The following URB1 variants were observed in gnomAD, a reference collection of about 807,000 sequenced individuals.
URB1 encodes the protein URB1 ribosome biogenesis factor, also known as nucleolar pre-ribosomal-associated protein 1.
Under a neutral mutation model 242.3 loss-of-function variants are expected in URB1, and 197 were observed. The ratio of observed to expected loss-of-function variants is 0.81; its 90% confidence interval spans 0.72 to 0.91. URB1 has a LOEUF of 0.91. Among genes scored for constraint, URB1 ranks in the 40% least tolerant of loss-of-function variants. URB1 has a pLI of 0.00. For missense variants in URB1, 2,721 were observed against 2,860.5 expected (o/e 0.95, Z 1.11); for synonymous variants, 1,153 against 1,201.8 (o/e 0.96, Z 0.84).
chr21:32,340,055 T>A (rs2033011267), intron 25 of URB1, among the ~76,000 whole-genome samples: 1 of 152,256 alleles, frequency 6.6e-6, no homozygotes, highest in Non-Finnish European at 1.5e-5. Flanking sequence ...TTCAGTCCTA[T>A]ACGAATAACT....
intron 34 of URB1, among the ~76,000 whole-genome samples, chr21:32,320,900 C>G (rs2032757521): frequency 1.3e-5 from 2 of 152,186 alleles, no homozygotes; most frequent in Admixed American, 1.3e-4. Context: ...TGGAACCCAC[C>G]CACAAGCAAA....
rs1160989862 is a variant in URB1 at position 32,354,151 on chromosome 21, G to A, written c.2246-48C>T. 2.6e-6 allele frequency: 4 copies of A among 1,542,082 alleles called. No homozygotes were observed. The African/African-American group carries it at 5.5e-5, about 21-fold the overall frequency. ...CAGCTGATGTGAGAGCCACTGAAGG[G>A]TTTCACTGCAAATACCCACAGGGAG... On this transcript the variant is annotated intron_variant, in intron 17 of 38. Transcript: ENST00000382751.
chr21:32,334,141 G>T lies in URB1; in HGVS notation c.4857+22C>A, dbSNP rs765520628. On this transcript the variant is annotated intron_variant, in intron 29 of 38. Transcript: ENST00000382751. ...AGGCTGGGGTGAAGGGGTGGGTAGG[G>T]ACAGAACAGCAGCAGCCCAACCTCG... 7 of 1,529,714 alleles carry T rather than the reference G, an allele frequency of 4.6e-6. No homozygotes were observed. In the South Asian group the frequency reaches 7.3e-5, roughly 16 times the overall value. 94.8% of individuals were successfully genotyped at this position (1,529,714 alleles called of 1,614,324 possible).
intron 28 of URB1, 80 bp from the exon 29 acceptor site, chr21:32,334,414 C>T (rs2032933290): frequency 6.9e-7 from 1 of 1,446,418 alleles, no homozygotes; most frequent in African/African-American, 1.4e-5. Flanking sequence ...CAACAGGTAG[C>T]AGTTGTCAGG....
At chr21:32,325,617 C>A (rs1171518536) in intron 30 of URB1, among the ~76,000 whole-genome samples, 2 of 152,200 alleles carry the variant, frequency 1.3e-5, no homozygotes, top group Non-Finnish European at 2.9e-5. Context: ...AATGCTCATA[C>A]ATCCCAACCA....
chr21:32,379,394 C>T (rs1438747871), intron 4 of URB1, among the ~76,000 whole-genome samples: 1 of 152,238 alleles, frequency 6.6e-6, no homozygotes, highest in Non-Finnish European at 1.5e-5. Context: ...CCAAAGATAC[C>T]TTCATTCACT....
intron 5 of URB1, among the ~76,000 whole-genome samples, chr21:32,377,772 G>A (rs1407743932): frequency 3.3e-5 from 5 of 152,148 alleles, no homozygotes; most frequent in Admixed American, 2.6e-4. Context: ...ACAGCACCCT[G>A]CTACTCCTCC....
intron 16 of URB1, among the ~76,000 whole-genome samples, 163 bp from the exon 17 acceptor site, chr21:32,355,160 TA>T (rs997760034): frequency 2.0e-5 from 3 of 151,814 alleles, no homozygotes; most frequent in African/African-American, 4.8e-5. Flanking sequence ...ATTGTGGAGT[TA>T]AAAAAAAATC....
rs1213467892 is a variant in URB1, at chr21:32,320,556, A to G, written c.5569T>C (p.Trp1857Arg). ...EIIRDYSLLT[W>R]ILHILESKFL... ...TTGCTTTCAAGGATGTGTAAAATCC[A>G]TGTTAAAAGGCTATAGTCTCGTATG... Residue 1857 changes from tryptophan (W) to arginine (R), a missense_variant, in exon 35 of 39, where the codon TGG (tryptophan) becomes CGG (arginine). By Grantham distance (101) the Trp-to-Arg change is moderately radical. Coordinates refer to ENST00000382751, the MANE Select transcript of URB1 (RefSeq NM_014825.3). The G allele has an allele frequency of 6.4e-7, 1 of 1,551,968 alleles. No homozygotes were observed. Among genetic ancestry groups the G allele is most frequent in the Non-Finnish European group, 8.7e-7 (1 of 1,147,018 alleles).
rs1319811287 is a variant in URB1, at chr21:32,334,293, G to A, written c.4727C>T (p.Thr1576Met). 2.6e-5 allele frequency: 41 copies of A among 1,551,336 alleles called. No homozygotes were observed. Among genetic ancestry groups the A allele is most frequent in the Middle Eastern group, 1.7e-4 (1 of 6,012 alleles). The change falls in exon 29 of 39, where the codon ACG (threonine) becomes ATG (methionine). Residue 1576 changes from threonine (T) to methionine (M), a missense_variant. Thr to Met is a moderately conservative substitution (Grantham distance 81, BLOSUM62 -1). Transcript: ENST00000382751. ...CAGTGACCTGCCCAGGCTCCGGCAC[G>A]TCTTGTGATGCTCCACGGCCGCTGG... ...WGPAAVEHHKTCRSLGRSLWQ... is the reference protein window; with the variant it reads ...WGPAAVEHHKMCRSLGRSLWQ...
At chr21:32,389,551 G>T (rs1188205472) in intron 1 of URB1, among the ~76,000 whole-genome samples, 1 of 152,212 alleles carries the variant, frequency 6.6e-6, no homozygotes, top group Non-Finnish European at 1.5e-5. Context: ...ATGAAGGAAA[G>T]AGGGGGAGCA....
At chr21:32,375,338 A>T (rs2033447350) in intron 6 of URB1, 60 bp downstream of exon 6, 2 of 1,100,744 alleles carry the variant, frequency 1.8e-6, no homozygotes, top group African/African-American at 3.3e-5. Flanking sequence ...AAAACACCGG[A>T]GAATATCTCC....
At chr21:32,390,248 T>G (rs895479972) in intron 1 of URB1, among the ~76,000 whole-genome samples, 3 of 152,234 alleles carry the variant, frequency 2.0e-5, no homozygotes, top group Admixed American at 2.0e-4. Flanking sequence ...AGGCTCTCTG[T>G]GCAAGACCAT....
chr21:32,379,712 G>A lies in URB1; in HGVS notation c.568-1171C>T, dbSNP rs150306269. Among the ~76,000 whole-genome samples the A allele has an allele frequency of 1.6e-3, 242 of 152,228 alleles. 3 individuals carry two copies. The South Asian group carries it at 0.021, about 13-fold the overall frequency. ...AAACTGAGGGTTCAAAAATTCAGCC[G>A]GACACGGTGGCTCATGCCTATAATC... On this transcript the variant is annotated intron_variant, in intron 4 of 38. Transcript: ENST00000382751.
At chr21:32,353,890 G>A (rs1481099501) in intron 18 of URB1, 43 bp downstream of exon 18, 1 of 1,540,730 alleles carries the variant, frequency 6.5e-7, no homozygotes, top group African/African-American at 1.4e-5. Flanking sequence ...GCACAGACTA[G>A]CCGGCCAGGT....
At chr21:32,390,747 G>T (rs2033628872) in intron 1 of URB1, among the ~76,000 whole-genome samples, 1 of 152,156 alleles carries the variant, frequency 6.6e-6, no homozygotes, top group Admixed American at 6.5e-5. Flanking sequence ...GGAGAAATGG[G>T]AACACTTTTA....
chr21:32,390,920 A>G (rs1459569975), intron 1 of URB1, among the ~76,000 whole-genome samples: 3 of 152,250 alleles, frequency 2.0e-5, no homozygotes, highest in Admixed American at 2.0e-4. Flanking sequence ...ATGCACACGT[A>G]CGTTTACTGT....
intron 25 of URB1, among the ~76,000 whole-genome samples, chr21:32,340,974 G>T (rs1328508895): frequency 2.6e-5 from 4 of 151,328 alleles, no homozygotes; most frequent in African/African-American, 9.7e-5. Context: ...ACATCTCAGT[G>T]AACAAAAGGA....
Position 32,354,920 on chromosome 21 carries a change from C to A in URB1, c.2184G>T (p.Leu728=). ...ASDFVQEASM[L]QATMTKQEAD... ...CTTCTTGCTTCGTCATAGTGGCCTG[C>A]AGCATGCTTGCTTCTTGGACAAAGT... is the stretch of plus-strand genomic sequence containing the variant. The change falls in exon 17 of 39, where the codon CTG becomes CTT. Residue 728 remains leucine (L), a synonymous_variant. Transcript: ENST00000382751. 6.4e-7 allele frequency: 1 copy of A among 1,552,368 alleles called. No individual in the cohort carries two copies. Among genetic ancestry groups the A allele is most frequent in the Non-Finnish European group, 8.7e-7 (1 of 1,147,148 alleles).
Sources: gnomAD v4.1 joint callset for allele counts (sites outside exome capture counted in the v4.1 genomes callset) on GRCh38, gnomAD v4.1.1 for gene constraint, MANE v1.5 for transcripts, NCBI Gene and HGNC (gene_info 2026-07-23, HGNC 2026-07-21) for gene names.